The following TCL1A variants were observed in gnomAD, a reference collection of about 807,000 sequenced individuals.
TCL1A encodes TCL1 family AKT coactivator A, also known as T-cell leukemia/lymphoma protein 1A.
In TCL1A, 9 loss-of-function variants were observed where a neutral mutation model predicts 16.9. The observed-to-expected ratio is 0.53, with a 90% CI of 0.32 to 0.93. The LOEUF is 0.93. Ranked by LOEUF, TCL1A falls within the 40% of genes least tolerant of loss-of-function variation. TCL1A has a pLI of 0.04. For synonymous variants in TCL1A, 69 were observed against 63.2 expected, an observed-to-expected ratio of 1.09 and a Z score of -0.44; for missense variants, 139 against 153.0, an observed-to-expected ratio of 0.91 and a Z score of 0.48.
chr14:95,711,494 G>T, intron 3 of TCL1A: 12 of 401,594 alleles, frequency 3.0e-5, no homozygotes, highest in African/African-American at 4.1e-5. Context: ...AATGGTAAAT[G>T]AAAGTGCCAG....
At chr14:95,711,965 C>T in intron 2 of TCL1A, 163 bp from the exon 3 acceptor site, 1 of 951,238 alleles carries the variant, frequency 1.1e-6, no homozygotes. Flanking sequence ...CAGCCTTCAG[C>T]CTGTGACTGC....
intron 1 of TCL1A, chr14:95,712,721 C>T (rs769702518): frequency 1.5e-5 from 20 of 1,318,930 alleles, no homozygotes; most frequent in Middle Eastern, 2.0e-4. Flanking sequence ...GCAGGAGGAT[C>T]GCTTGAGGCC....
chr14:95,711,805 G>A lies in TCL1A; in HGVS notation c.298-3C>T. On this transcript the variant is annotated splice_polypyrimidine_tract_variant and splice_region_variant and intron_variant, in intron 2 of 3. Transcript: ENST00000402399. ...AGCATGTCCTCCACGCCGTCAATCT[G>A]AGAGGCAGAGAGAGAGAGAAGGCAT... The A allele has an allele frequency of 1.2e-6, 2 of 1,609,884 alleles. No homozygotes were observed.
chr14:95,712,664 G>A, intron 1 of TCL1A: 5 of 1,414,516 alleles, frequency 3.5e-6, no homozygotes, highest in Non-Finnish European at 4.7e-6. Context: ...TTTTCTGGCG[G>A]GTTGCAGCGG....
chr14:95,713,347 A>G (rs2139722481), intron 1 of TCL1A, among the ~76,000 whole-genome samples: 1 of 152,362 alleles, frequency 6.6e-6, no homozygotes, highest in African/African-American at 2.4e-5. Flanking sequence ...TACTTGTAAA[A>G]GACTTATCTA....
At chr14:95,711,291 C>G (rs1566746273) in intron 3 of TCL1A, among the ~76,000 whole-genome samples, 1 of 129,128 alleles carries the variant, frequency 7.7e-6, no homozygotes, top group Non-Finnish European at 1.6e-5. Context: ...AACCCCGTCT[C>G]TACTAAAAAA....
intron 3 of TCL1A, 192 bp downstream of exon 3, chr14:95,711,557 G>C (rs995882378): frequency 1.7e-6 from 1 of 585,942 alleles, no homozygotes; most frequent in African/African-American, 1.9e-5. Flanking sequence ...AAAGGGGGCT[G>C]CCTACAAAGC....
At chr14:95,713,221 T>C (rs1886420631) in intron 1 of TCL1A, among the ~76,000 whole-genome samples, 1 of 152,350 alleles carries the variant, frequency 6.6e-6, no homozygotes, top group Admixed American at 6.5e-5. Context: ...CAATAATTTT[T>C]GATTGCTACT....
intron 1 of TCL1A, among the ~76,000 whole-genome samples, chr14:95,713,550 A>G (rs528549381): frequency 1.3e-5 from 2 of 152,244 alleles, no homozygotes; most frequent in Non-Finnish European, 2.9e-5. Context: ...GGTTGACCCT[A>G]AACTGTTGAG....
rs2209399 is a variant in TCL1A at position 95,712,444 on chromosome 14, G to T, written c.121-48C>A. On this transcript the variant is annotated intron_variant, in intron 1 of 3. Coordinates refer to ENST00000402399, the MANE Select transcript of TCL1A (RefSeq NM_021966.3). Reference sequence around the variant, plus strand: ...GCATACTTTCAGGTTCCGCTTGCCAGGGCTTCTCCAGGCGCAGAAAACCGG... The same window carrying T: ...GCATACTTTCAGGTTCCGCTTGCCATGGCTTCTCCAGGCGCAGAAAACCGG... The T allele has an allele frequency of 7.2e-3, 11,238 of 1,552,232 alleles. 730 individuals carry two copies. In the African/African-American group the frequency reaches 0.13, roughly 18 times the overall value.
intron 2 of TCL1A, 49 bp downstream of exon 2, chr14:95,712,171 A>C: frequency 6.2e-7 from 1 of 1,608,214 alleles, no homozygotes; most frequent in East Asian, 2.2e-5. Context: ...GACATGGAGG[A>C]GGGCAAACCC....
chr14:95,713,895 C>G (rs545894707), intron 1 of TCL1A, 52 bp downstream of exon 1: 7 of 1,603,870 alleles, frequency 4.4e-6, no homozygotes, highest in Admixed American at 1.7e-5. Flanking sequence ...GCATCCCAAG[C>G]TCCCAGGGGC....
intron 3 of TCL1A, chr14:95,711,543 C>A: frequency 1.8e-6 from 1 of 566,938 alleles, no homozygotes; most frequent in Non-Finnish European, 3.1e-6. Context: ...TGAGCAGCTG[C>A]GATAAAGGGG....
chr14:95,712,435 C>T (rs767368380), intron 1 of TCL1A, 39 bp from the exon 2 acceptor site: 7 of 1,559,368 alleles, frequency 4.5e-6, no homozygotes, highest in South Asian at 3.6e-5. Context: ...TTTCAGGTTC[C>T]GCTTGCCAGG....
intron 1 of TCL1A, chr14:95,712,649 C>T: frequency 1.4e-6 from 2 of 1,452,618 alleles, no homozygotes; most frequent in East Asian, 6.0e-5. Context: ...ATGAAAGGCA[C>T]ACTTTTTTCT....
intron 1 of TCL1A, among the ~76,000 whole-genome samples, chr14:95,713,746 T>C (rs1886465223): frequency 6.6e-6 from 1 of 152,262 alleles, no homozygotes; most frequent in East Asian, 1.9e-4. Flanking sequence ...TGACCGACAT[T>C]CCTTTGCGGT....
chr14:95,713,323 T>C (rs1284770345), intron 1 of TCL1A, among the ~76,000 whole-genome samples: 1 of 152,250 alleles, frequency 6.6e-6, no homozygotes, highest in Admixed American at 6.5e-5. Context: ...TCTTTTTCAT[T>C]GAGTAAATCC....
intron 1 of TCL1A, among the ~76,000 whole-genome samples, chr14:95,713,226 G>C (rs991638972): frequency 6.6e-6 from 1 of 152,248 alleles, no homozygotes; most frequent in South Asian, 2.1e-4. Flanking sequence ...ATTTTTGATT[G>C]CTACTGGACA....
At chr14:95,713,857 T>G in intron 1 of TCL1A, 90 bp downstream of exon 1, 2 of 1,563,038 alleles carry the variant, frequency 1.3e-6, no homozygotes, top group Non-Finnish European at 1.7e-6. Flanking sequence ...CCATAGTGAG[T>G]GCTCCTTGAG....
Sources: gnomAD v4.1 joint callset for allele counts (sites outside exome capture counted in the v4.1 genomes callset) on GRCh38, gnomAD v4.1.1 for gene constraint, MANE v1.5 for transcripts, NCBI Gene and HGNC (gene_info 2026-07-23, HGNC 2026-07-21) for gene names.